The following FRMPD3 variants were observed in gnomAD, a reference collection of about 807,000 sequenced individuals.
FRMPD3 encodes the protein FERM and PDZ domain-containing protein 3.
Under a neutral mutation model 97.9 loss-of-function variants are expected in FRMPD3, and 42 were observed. The ratio of observed to expected loss-of-function variants is 0.43; its 90% CI spans 0.34 to 0.55. The LOEUF (loss-of-function observed/expected upper bound fraction) is 0.55. Among genes scored for constraint, FRMPD3 ranks in the 20% least tolerant of loss-of-function variants. FRMPD3 has a pLI of 0.03. For synonymous variants in FRMPD3, 577 were observed against 581.1 expected (o/e 0.99, Z 0.10); for missense variants, 1,303 against 1,457.7 (o/e 0.89, Z 1.73).
At chrX:107,503,112 A>C (rs761074141) in intron 1 of FRMPD3, among the ~76,000 whole-genome samples, 4 of 111,711 alleles carry the variant, frequency 3.6e-5, no homozygotes, top group Non-Finnish European at 5.7e-5. Context: ...GGGTACAAGA[A>C]AGAGTGGAGG....
intron 1 of FRMPD3, among the ~76,000 whole-genome samples, chrX:107,482,623 G>A (rs1921403957): frequency 8.9e-6 from 1 of 111,738 alleles, no homozygotes. Flanking sequence ...CCCAGAACAG[G>A]AAGGAACTTA....
chrX:107,574,231 G>A (rs1336236281), intron 12 of FRMPD3, among the ~76,000 whole-genome samples: 1 of 110,487 alleles, frequency 9.1e-6, no homozygotes, highest in Non-Finnish European at 1.9e-5. Context: ...CTTGTGCCCA[G>A]GAGTTCAAGA....
chrX:107,555,312 G>C (rs1046602075), intron 8 of FRMPD3: 1 of 112,027 alleles, frequency 8.9e-6, no homozygotes, highest in Non-Finnish European at 1.9e-5. Flanking sequence ...GTGATCAAAG[G>C]CTTTTGGTAG....
chrX:107,563,914 C>T (rs555228575), intron 11 of FRMPD3, among the ~76,000 whole-genome samples: 1 of 112,098 alleles, frequency 8.9e-6, no homozygotes, highest in Non-Finnish European at 1.9e-5. Context: ...AAGACTGTGC[C>T]CCAGGCTAGT....
intron 1 of FRMPD3, chrX:107,522,312 G>C: frequency 4.0e-6 from 2 of 497,163 alleles, no homozygotes; most frequent in Non-Finnish European, 7.2e-6. Flanking sequence ...AAGTGCTTCT[G>C]TAACCATGAT....
intron 1 of FRMPD3, among the ~76,000 whole-genome samples, chrX:107,480,824 CAAA>C (rs59051211): frequency 0.069 from 2,141 of 30,900 alleles, 51 homozygotes; most frequent in Admixed American, 0.15. Flanking sequence ...GAAACTCCGT[CAAA>C]AAAAAAAAAA....
At chrX:107,491,079 T>C (rs1437674980) in intron 1 of FRMPD3, among the ~76,000 whole-genome samples, 1 of 111,625 alleles carries the variant, frequency 9.0e-6, no homozygotes, top group East Asian at 2.8e-4. Flanking sequence ...GAGTCAGGAT[T>C]GAAACCCACG....
At chrX:107,519,339 A>G (rs2147542019) in intron 1 of FRMPD3, among the ~76,000 whole-genome samples, 1 of 111,018 alleles carries the variant, frequency 9.0e-6, no homozygotes, top group African/African-American at 3.3e-5. Flanking sequence ...CTACAAAAAA[A>G]TATAAAAAAT....
At chrX:107,529,052 A>T (rs766555474) in intron 2 of FRMPD3, among the ~76,000 whole-genome samples, 1 of 112,951 alleles carries the variant, frequency 8.9e-6, no homozygotes, top group Admixed American at 9.3e-5. Flanking sequence ...AAGTGGACAC[A>T]AACTAGAGTC....
chrX:107,535,336 A>G (rs1923176757), intron 4 of FRMPD3, among the ~76,000 whole-genome samples: 1 of 111,783 alleles, frequency 8.9e-6, no homozygotes, highest in African/African-American at 3.3e-5. Flanking sequence ...TATACCATGT[A>G]CTGTTACCCT....
intron 1 of FRMPD3, among the ~76,000 whole-genome samples, chrX:107,459,462 G>A (rs1330046956): frequency 8.9e-6 from 1 of 111,943 alleles, no homozygotes; most frequent in Non-Finnish European, 1.9e-5. Context: ...GGAGTCCACA[G>A]GTTGATGGGA....
At chrX:107,562,000 C>G (rs995785742) in intron 10 of FRMPD3, among the ~76,000 whole-genome samples, 1 of 112,111 alleles carries the variant, frequency 8.9e-6, no homozygotes, top group Non-Finnish European at 1.9e-5. Context: ...CACAGGTGCT[C>G]TGGAAGCACA....
Position 107,603,456 on chromosome X carries a change from G to A in FRMPD3, c.*83G>A. ...GGTCCTTGCATCTTGTGGTGAGTGT[G>A]TGTGTGTCTGCTGGGCCAGTCAGGG... On this transcript the variant is annotated 3_prime_UTR_variant, in exon 15 of 15. Transcript: ENST00000683843. 4 of 1,102,791 alleles carry A rather than the reference G, an allele frequency of 3.6e-6. No individual in the cohort carries two copies. Among genetic ancestry groups the A allele is most frequent in the Non-Finnish European group, 4.7e-6 (4 of 842,851 alleles). The allele number at this position is 1,102,791 out of a possible 1,213,427, so 90.9% of individuals were successfully genotyped here. A position where few individuals can be genotyped will look rare whatever the true frequency, so the allele number is the denominator to read the frequency against.
chrX:107,488,265 G>A (rs1281587289), intron 1 of FRMPD3, among the ~76,000 whole-genome samples: 1 of 111,989 alleles, frequency 8.9e-6, no homozygotes, highest in Non-Finnish European at 1.9e-5. Flanking sequence ...AGATCCACAT[G>A]GTTTTGACAA....
At chrX:107,582,086 G>A (rs1487877337) in intron 13 of FRMPD3, among the ~76,000 whole-genome samples, 3 of 111,485 alleles carry the variant, frequency 2.7e-5, no homozygotes, top group East Asian at 5.6e-4. Flanking sequence ...AGGAACTGCC[G>A]AATTGTTTTT....
At chrX:107,538,540 TAAAAAAAAAA>T (rs55749241) in intron 4 of FRMPD3, among the ~76,000 whole-genome samples, 1 of 63,767 alleles carries the variant, frequency 1.6e-5, no homozygotes, top group African/African-American at 5.8e-5. Context: ...CTATATTTGT[TAAAAAAAAAA>T]AAAAAAAAAA....
intron 1 of FRMPD3, among the ~76,000 whole-genome samples, chrX:107,518,959 A>G (rs1253107518): frequency 8.9e-6 from 1 of 112,638 alleles, no homozygotes; most frequent in East Asian, 2.8e-4. Context: ...TAAGCAAAAT[A>G]TGCTAGTCAC....
intron 12 of FRMPD3, among the ~76,000 whole-genome samples, chrX:107,571,751 G>A (rs1363853488): frequency 8.9e-6 from 1 of 112,478 alleles, no homozygotes; most frequent in East Asian, 2.8e-4. Flanking sequence ...TGTCTGTCCT[G>A]AGCTGGCTTG....
intron 12 of FRMPD3, among the ~76,000 whole-genome samples, chrX:107,574,016 C>A (rs764071567): frequency 8.9e-6 from 1 of 112,194 alleles, no homozygotes; most frequent in Non-Finnish European, 1.9e-5. Flanking sequence ...TGAAGATGGT[C>A]AGATTACAGA....
Sources: gnomAD v4.1 joint callset for allele counts (sites outside exome capture counted in the v4.1 genomes callset) on GRCh38, gnomAD v4.1.1 for gene constraint, MANE v1.5 for transcripts, NCBI Gene and HGNC (gene_info 2026-07-23, HGNC 2026-07-21) for gene names.